The following AGGF1 variants were observed in gnomAD, a reference collection of about 807,000 sequenced individuals.
AGGF1 encodes angiogenic factor with G-patch and FHA domains 1.
In AGGF1, 56 loss-of-function variants were observed where a neutral mutation model predicts 86.5. That is an observed-to-expected ratio of 0.65 (90% confidence interval 0.52 to 0.81). The LOEUF (loss-of-function observed/expected upper bound fraction) is 0.81, where lower values mean the gene tolerates loss of function less well. Ranked by LOEUF, AGGF1 falls within the 30% of genes least tolerant of loss-of-function variation. AGGF1 has a pLI of 0.00. For missense variants in AGGF1, 816 were observed against 850.9 expected (o/e 0.96, Z 0.51); for synonymous variants, 313 against 297.1 (o/e 1.05, Z -0.55).
At chr5:77,037,882 G>T (rs1395767202) in intron 4 of AGGF1, among the ~76,000 whole-genome samples, 2 of 152,158 alleles carry the variant, frequency 1.3e-5, no homozygotes. Flanking sequence ...AGAAAATAAA[G>T]TTCTTGATTT....
intron 4 of AGGF1, among the ~76,000 whole-genome samples, chr5:77,038,185 A>T (rs1419233007): frequency 2.6e-5 from 4 of 152,152 alleles, no homozygotes; most frequent in African/African-American, 9.7e-5. Flanking sequence ...TTGTAAAGAG[A>T]GGGTTTTCTT....
In AGGF1 at chr5:77,046,506, TCTC is replaced by T; in HGVS notation, c.1034_1036del (p.Pro345del). The T allele has an allele frequency of 6.2e-7, 1 of 1,613,742 alleles. No homozygotes were observed. The highest frequency in any genetic ancestry group is 8.5e-7 in the Non-Finnish European group (1 of 1,179,912). ...TCCAACTAGTGGAAATACTATAGAG[TCTC>T]CTCTTCATGAAAACATCTCTAATTC... is the stretch of plus-strand genomic sequence containing the variant. On this transcript the variant is annotated inframe_deletion, in exon 6 of 14. Transcript: ENST00000312916.
chr5:77,041,993 G>C (rs1229800588), intron 5 of AGGF1, among the ~76,000 whole-genome samples: 3 of 151,110 alleles, frequency 2.0e-5, no homozygotes, highest in Non-Finnish European at 4.4e-5. Flanking sequence ...GGGTACTTGA[G>C]ATTAGGGAGT....
chr5:77,036,503 T>G, intron 3 of AGGF1, 53 bp from the exon 4 acceptor site: 1 of 1,598,582 alleles, frequency 6.3e-7, no homozygotes, highest in Non-Finnish European at 8.6e-7. Flanking sequence ...GCCAACTTTT[T>G]AATTGATATA....
intron 5 of AGGF1, among the ~76,000 whole-genome samples, chr5:77,045,847 T>G (rs948762993): frequency 6.6e-6 from 1 of 152,246 alleles, no homozygotes; most frequent in Non-Finnish European, 1.5e-5. Context: ...AAATGTGCTG[T>G]TAAGTGTAAA....
chr5:77,054,794 T>TA (rs1157030518), intron 10 of AGGF1, among the ~76,000 whole-genome samples: 3 of 152,124 alleles, frequency 2.0e-5, no homozygotes, highest in Non-Finnish European at 4.4e-5. Flanking sequence ...TGTATTGATG[T>TA]AAAAAAAGTC....
In AGGF1 at chr5:77,042,514, G is replaced by A. The variant is rs1286559075; in HGVS notation, c.870+2795G>A. 3.8e-4 allele frequency among the ~76,000 whole-genome samples: 31 copies of A among 81,912 alleles called. 4 individuals are homozygous for A. The highest frequency in any genetic ancestry group is 5.6e-4 in the Non-Finnish European group (19 of 33,910). The allele number at this position is 81,912 out of a possible 152,430, so 53.7% of individuals were successfully genotyped here. On this transcript the variant is annotated intron_variant, in intron 5 of 13. Transcript: ENST00000312916. ...GGCTGACCCCCCCCACCTCCCTCCC[G>A]GACGGGGCGGCTGGCCGGGCAGAGG...
At chr5:77,055,728 A>G in intron 11 of AGGF1, 132 bp downstream of exon 11, 2 of 645,778 alleles carry the variant, frequency 3.1e-6, no homozygotes. Flanking sequence ...GTATTAGTTT[A>G]CTGTTCTGGT....
At chr5:77,035,909 A>G in intron 3 of AGGF1, 166 bp downstream of exon 3, 1 of 670,426 alleles carries the variant, frequency 1.5e-6, no homozygotes, top group South Asian at 1.8e-5. Flanking sequence ...CCAAAACCAG[A>G]ATTAGAACTT....
At chr5:77,033,895 G>C (rs951254178) in intron 1 of AGGF1, among the ~76,000 whole-genome samples, 4 of 152,116 alleles carry the variant, frequency 2.6e-5, no homozygotes, top group African/African-American at 9.7e-5. Context: ...TGAAGTACAT[G>C]GAGGACAGAT....
chr5:77,062,417 T>A (rs1486964161), intron 13 of AGGF1, among the ~76,000 whole-genome samples: 1 of 152,124 alleles, frequency 6.6e-6, no homozygotes, highest in Non-Finnish European at 1.5e-5. Flanking sequence ...GAACAAGGAT[T>A]TTGTAGTCAG....
Position 77,030,511 on chromosome 5 carries a change from G to T in AGGF1, c.-256G>T, listed in dbSNP as rs1245957464. 9 of 671,774 alleles carry T rather than the reference G, an allele frequency of 1.3e-5. No homozygotes were observed. The highest frequency in any genetic ancestry group is 2.2e-5 in the Non-Finnish European group (8 of 365,824). 41.6% of individuals were successfully genotyped at this position (671,774 alleles called of 1,614,324 possible). A position where few individuals can be genotyped will look rare whatever the true frequency, so the allele number is the denominator to read the frequency against. ...TCTGTCTCTGTAGCTGGAGAAGGTA[G>T]TTTCCAGGAAAGTTTTCCGGTTTGC... On this transcript the variant is annotated 5_prime_UTR_variant, in exon 1 of 14. Transcript: ENST00000312916.
chr5:77,039,287 T>C (rs1223364058), intron 4 of AGGF1, among the ~76,000 whole-genome samples: 1 of 152,176 alleles, frequency 6.6e-6, no homozygotes, highest in Admixed American at 6.5e-5. Flanking sequence ...TTGACAATTT[T>C]ATATGATTAA....
At chr5:77,050,226 G>C (rs1374875122) in intron 8 of AGGF1, among the ~76,000 whole-genome samples, 1 of 149,042 alleles carries the variant, frequency 6.7e-6, no homozygotes, top group African/African-American at 2.5e-5. Flanking sequence ...AACTTAAATA[G>C]CAAAGCGATC....
At chr5:77,039,746 G>T in intron 5 of AGGF1, 27 bp downstream of exon 5, 1 of 1,590,960 alleles carries the variant, frequency 6.3e-7, no homozygotes, top group South Asian at 1.1e-5. Flanking sequence ...TTTAAAAATT[G>T]ACATAATGGT....
intron 6 of AGGF1, among the ~76,000 whole-genome samples, chr5:77,046,952 T>C (rs1265585091): frequency 6.6e-6 from 1 of 152,224 alleles, no homozygotes; most frequent in East Asian, 1.9e-4. Flanking sequence ...AATCTTAAAA[T>C]ATAGATTAAG....
intron 5 of AGGF1, among the ~76,000 whole-genome samples, chr5:77,044,616 C>T (rs549364371): frequency 6.6e-6 from 1 of 152,178 alleles, no homozygotes; most frequent in Admixed American, 6.5e-5. Flanking sequence ...AATAAATATA[C>T]AAGATTGGAA....
chr5:77,054,627 TATGTTA>T (rs951638821), intron 10 of AGGF1, among the ~76,000 whole-genome samples: 3 of 152,212 alleles, frequency 2.0e-5, no homozygotes, highest in African/African-American at 7.2e-5. Flanking sequence ...TAGTAATGGG[TATGTTA>T]ATGAGGTTGA....
At position 77,063,152 on chromosome 5, in the gene AGGF1, G is replaced by A. The variant is rs753932227; in HGVS notation, c.2045G>A (p.Trp682Ter). ...HLLQNKNKKN[W>*]DKARERFTEN... ...CTCCAAAACAAGAACAAAAAAAACTGGGACAAAGCACGAGAGCGGTTTACT... is the reference window on the plus strand; with the variant it reads ...CTCCAAAACAAGAACAAAAAAAACTAGGACAAAGCACGAGAGCGGTTTACT... The change falls in exon 14 of 14, where the codon TGG (tryptophan) becomes TAG (stop). Residue 682 changes from tryptophan (W) to a stop codon, truncating the protein, a stop_gained. Transcript: ENST00000312916. LOFTEE classifies it high-confidence loss of function. The A allele has an allele frequency of 6.2e-7, 1 of 1,613,928 alleles. No individual in the cohort carries two copies. Among genetic ancestry groups the A allele is most frequent in the South Asian group, 1.1e-5 (1 of 91,072 alleles).
Sources: allele counts gnomAD v4.1 joint callset (sites outside exome capture counted in the v4.1 genomes callset), GRCh38; gene constraint gnomAD v4.1.1; transcripts MANE v1.5; gene names NCBI Gene and HGNC (gene_info 2026-07-23, HGNC 2026-07-21).